TULP4: variants seen among roughly 807,000 people sequenced by gnomAD.
TULP4 encodes the protein TUB like protein 4, also known as tubby-related protein 4.
In TULP4, 16 loss-of-function variants were observed where a neutral mutation model predicts 129.0. The observed-to-expected ratio is 0.12, with a 90% CI of 0.08 to 0.19. The LOEUF (loss-of-function observed/expected upper bound fraction) is 0.19. Ranked by LOEUF, TULP4 falls within the 10% of genes least tolerant of loss-of-function variation. TULP4 has a pLI of 1.00. For synonymous variants in TULP4, 998 were observed against 854.0 expected (o/e 1.17, Z -2.94); for missense variants, 1,842 against 2,059.1 (o/e 0.89, Z 2.04).
At chr6:158,260,074 T>C (rs974884783) in intron 1 of TULP4, among the ~76,000 whole-genome samples, 3 of 152,130 alleles carry the variant, frequency 2.0e-5, no homozygotes, top group Non-Finnish European at 4.4e-5. Flanking sequence ...AGGTCAGGGG[T>C]GGGAATGGAA....
At position 158,454,026 on chromosome 6, in the gene TULP4, C is replaced by CCA. The variant is rs1554293026; in HGVS notation, c.859+1759_859+1760insAC. Among the ~76,000 whole-genome samples the CCA allele has an allele frequency of 2.2e-4, 32 of 148,470 alleles. 1 individual carries two copies. The highest frequency in any genetic ancestry group is 3.6e-4 in the Non-Finnish European group (24 of 67,034). ...ATCATACCTGCCTCTGCACCGCCCCCCCCCAAGTAATTACTCTATTTTTAA... is the reference window on the plus strand; with the variant it reads ...ATCATACCTGCCTCTGCACCGCCCCCCACCCCAAGTAATTACTCTATTTTTAA... On this transcript the variant is annotated intron_variant, in intron 5 of 13. Coordinates refer to ENST00000367097, the MANE Select transcript of TULP4 (RefSeq NM_020245.5).
At chr6:158,368,335 C>T (rs930266251) in intron 1 of TULP4, among the ~76,000 whole-genome samples, 4 of 152,100 alleles carry the variant, frequency 2.6e-5, no homozygotes, top group Non-Finnish European at 5.9e-5. Flanking sequence ...GACAGAGTCT[C>T]GCTGTCACCC....
At chr6:158,277,352 A>G (rs951442011), upstream of TULP4, among the ~76,000 whole-genome samples, 6 of 152,240 alleles carry the variant, frequency 3.9e-5, no homozygotes, top group African/African-American at 1.4e-4. Context: ...ATTAAAGAGT[A>G]TCAGAGAAAT....
chr6:158,384,540 A>T (rs1777397989), intron 1 of TULP4, among the ~76,000 whole-genome samples: 1 of 152,066 alleles, frequency 6.6e-6, no homozygotes. Flanking sequence ...CACCCTCCTC[A>T]GCCTCCCAAA....
At chr6:158,288,985 G>A (rs549567080) in intron 1 of TULP4, among the ~76,000 whole-genome samples, 117 of 152,228 alleles carry the variant, frequency 7.7e-4, no homozygotes, top group African/African-American at 2.6e-3. Flanking sequence ...TTCTGATTGA[G>A]TTTGTGTAAT....
intron 1 of TULP4, among the ~76,000 whole-genome samples, chr6:158,345,642 A>T (rs1267676860): frequency 7.2e-5 from 11 of 152,364 alleles, no homozygotes. Context: ...TCAAAGGGCA[A>T]AAAACAGAAC....
intron 2 of TULP4, among the ~76,000 whole-genome samples, chr6:158,425,368 C>A (rs932446974): frequency 6.6e-6 from 1 of 151,174 alleles, no homozygotes; most frequent in African/African-American, 2.4e-5. Flanking sequence ...ACAAAATTAG[C>A]CAGGTATGGT....
intron 1 of TULP4, among the ~76,000 whole-genome samples, chr6:158,338,418 C>T (rs1780094466): frequency 6.6e-6 from 1 of 152,112 alleles, no homozygotes; most frequent in Non-Finnish European, 1.5e-5. Flanking sequence ...CATGATATTG[C>T]AATTAAACCT....
chr6:158,502,422 G>A lies in TULP4; in HGVS notation c.2759G>A (p.Gly920Asp). ...SQNTYTLPGP[G>D]SSATLRLTAT... ...AACACGTACACCCTCCCCGGCCCGG[G>A]TAGCTCTGCCACCTTGAGGCTCACG... The change falls in exon 13 of 14, where the codon GGT (glycine) becomes GAT (aspartate). Residue 920 changes from glycine to aspartate, a missense_variant. This residue lies in a region of TULP4 where 1,089 missense variants were observed against 987.1 expected (regional missense o/e 1.10). Transcript: ENST00000367097. 6.2e-7 allele frequency: 1 copy of A among 1,613,394 alleles called. No homozygotes were observed. The highest frequency in any genetic ancestry group is 2.2e-5 in the East Asian group (1 of 44,824).
At position 158,493,779 on chromosome 6, in the gene TULP4, C is replaced by T; in HGVS notation, c.1776+62C>T. On this transcript the variant is annotated intron_variant, in intron 10 of 13. Transcript: ENST00000367097. The surrounding 1 kb of genome is among the most constrained non-coding windows in gnomAD (Gnocchi z 4.4). ...TCCTGGGGGCTATGCCCAGAGGGCC[C>T]CTTCCTACCCGCCGCCTGCACTGCT... 11 of 1,468,120 alleles carry T rather than the reference C, an allele frequency of 7.5e-6. No homozygotes were observed. In the South Asian group the frequency reaches 1.4e-4, roughly 19 times the overall value. The allele number at this position is 1,468,120 out of a possible 1,614,324, so 90.9% of individuals were successfully genotyped here.
chr6:158,472,188 T>C (rs937647610), intron 6 of TULP4, among the ~76,000 whole-genome samples: 3 of 152,222 alleles, frequency 2.0e-5, no homozygotes, highest in African/African-American at 4.8e-5. Context: ...TTCTGTCTAC[T>C]TGTCTTATTT....
At chr6:158,365,895 C>CTTTTTTTTTTTTTTTTTTTTT (rs1780938521) in intron 1 of TULP4, among the ~76,000 whole-genome samples, 1 of 78,306 alleles carries the variant, frequency 1.3e-5, no homozygotes, top group African/African-American at 4.8e-5. Context: ...TTTTCTTTTT[C>CTTTTTTTTTTTTTTTTTTTTT]TTTCTTTTTT....
upstream of TULP4, among the ~76,000 whole-genome samples, chr6:158,281,432 A>G (rs772613703): frequency 4.6e-5 from 7 of 151,992 alleles, no homozygotes; most frequent in Non-Finnish European, 8.8e-5. Flanking sequence ...CCAGCTGGTC[A>G]CCTTAGTTTT....
intron 3 of TULP4, among the ~76,000 whole-genome samples, chr6:158,431,004 A>G (rs1562563417): frequency 6.6e-6 from 1 of 151,962 alleles, no homozygotes; most frequent in African/African-American, 2.4e-5. Context: ...AAAGACAAAT[A>G]TTTTTTCTCT....
chr6:158,459,788 C>G (rs1779384074), intron 5 of TULP4, among the ~76,000 whole-genome samples: 1 of 152,200 alleles, frequency 6.6e-6, no homozygotes, highest in South Asian at 2.1e-4. Flanking sequence ...TTTGTTACTA[C>G]TATGACTGTT....
intron 3 of TULP4, among the ~76,000 whole-genome samples, chr6:158,447,608 G>A (rs1779080693): frequency 6.6e-6 from 1 of 152,124 alleles, no homozygotes; most frequent in Non-Finnish European, 1.5e-5. Context: ...AATATTTACT[G>A]AGTGCCTGCA....
At chr6:158,363,003 A>G (rs1260595917) in intron 1 of TULP4, among the ~76,000 whole-genome samples, 2 of 142,202 alleles carry the variant, frequency 1.4e-5, no homozygotes, top group Non-Finnish European at 3.0e-5. Flanking sequence ...CGGAGTTTGC[A>G]GTGAGCCAAG....
intron 1 of TULP4, among the ~76,000 whole-genome samples, chr6:158,347,923 C>G (rs1780349954): frequency 6.6e-6 from 1 of 151,708 alleles, no homozygotes; most frequent in Non-Finnish European, 1.5e-5. Flanking sequence ...AAAAAAGAAT[C>G]TGTAAGTGTT....
intron 1 of TULP4, among the ~76,000 whole-genome samples, chr6:158,366,738 G>A (rs1198918571): frequency 6.6e-6 from 1 of 152,154 alleles, no homozygotes; most frequent in Non-Finnish European, 1.5e-5. Flanking sequence ...ATCTATCATT[G>A]CTACCATTTG....
Sources: gnomAD v4.1 joint callset for allele counts (sites outside exome capture counted in the v4.1 genomes callset) on GRCh38, gnomAD v4.1.1 for gene constraint, gnomAD v4.1.1 regional missense constraint, Gnocchi (gnomAD v3.1) non-coding constraint, MANE v1.5 for transcripts, NCBI Gene and HGNC (gene_info 2026-07-23, HGNC 2026-07-21) for gene names.